Variants in N4BP1 observed in about 807,000 individuals in gnomAD.
The protein encoded by N4BP1 is NEDD4 binding protein 1, also known as NEDD4-binding protein 1.
Under a neutral mutation model 70.9 loss-of-function variants are expected in N4BP1, and 21 were observed. That is an observed-to-expected ratio of 0.30 (90% CI 0.21 to 0.43). N4BP1 has a LOEUF of 0.43. Among genes scored for constraint, N4BP1 ranks in the 20% least tolerant of loss-of-function variants. The probability of loss-of-function intolerance (pLI) is 1.00; values close to 1 mark genes in which losing one functional copy is unlikely to be tolerated. For synonymous variants in N4BP1, 387 were observed against 394.6 expected, an observed-to-expected ratio of 0.98 and a Z score of 0.23; for missense variants, 936 against 1,069.4, an observed-to-expected ratio of 0.88 and a Z score of 1.74.
At chr16:48,562,606 A>G (rs143828416) in intron 1 of N4BP1, among the ~76,000 whole-genome samples, 162 bp from the exon 2 acceptor site, 37 of 152,368 alleles carry the variant, frequency 2.4e-4, no homozygotes, top group African/African-American at 8.9e-4. Flanking sequence ...ATTGAAAATA[A>G]CAGATATAAC....
At chr16:48,553,724 G>GT (rs1597092802) in intron 2 of N4BP1, 55 bp from the exon 3 acceptor site, 5 of 1,376,864 alleles carry the variant, frequency 3.6e-6, no homozygotes, top group Admixed American at 2.8e-5. Flanking sequence ...TTAAAGCACA[G>GT]TAAGTTTCAC....
rs1488608128 is a variant in N4BP1 at position 48,548,119 on chromosome 16, G to GTT, written c.2118-6_2118-5insAA. ...TCCGCTAAGTGTAGTAGAAACCTATGGTAATATAAGAGAGTTTAAAATCAG... is the reference window on the plus strand; with the variant it reads ...TCCGCTAAGTGTAGTAGAAACCTATGTTGTAATATAAGAGAGTTTAAAATCAG... On this transcript the variant is annotated splice_polypyrimidine_tract_variant and splice_region_variant and intron_variant, in intron 4 of 6. Coordinates refer to ENST00000262384, the MANE Select transcript of N4BP1 (RefSeq NM_153029.4). The GTT allele has an allele frequency of 1.2e-5, 19 of 1,556,390 alleles. No homozygotes were observed. Among genetic ancestry groups the GTT allele is most frequent in the Middle Eastern group, 1.7e-4 (1 of 5,988 alleles).
At chr16:48,582,791 C>T (rs867655265) in intron 1 of N4BP1, among the ~76,000 whole-genome samples, 4 of 152,136 alleles carry the variant, frequency 2.6e-5, no homozygotes, top group African/African-American at 9.7e-5. Flanking sequence ...AGGGGGACCA[C>T]TGTACATGAA....
chr16:48,594,148 A>G (rs554263477), intron 1 of N4BP1, among the ~76,000 whole-genome samples: 2 of 152,308 alleles, frequency 1.3e-5, no homozygotes, highest in South Asian at 2.1e-4. Context: ...TTGCCTTTTA[A>G]GTAAACTACA....
At chr16:48,574,652 A>C (rs930145549) in intron 1 of N4BP1, among the ~76,000 whole-genome samples, 2 of 152,234 alleles carry the variant, frequency 1.3e-5, no homozygotes, top group African/African-American at 4.8e-5. Flanking sequence ...CATTTTAATC[A>C]ACTTAAGTCA....
chr16:48,587,790 T>C (rs1322396231), intron 1 of N4BP1, among the ~76,000 whole-genome samples: 2 of 152,338 alleles, frequency 1.3e-5, no homozygotes, highest in Admixed American at 6.5e-5. Flanking sequence ...GTTGAACTCA[T>C]GCTCAGGAAA....
chr16:48,579,384 T>C (rs966312488), intron 1 of N4BP1, among the ~76,000 whole-genome samples: 11 of 152,314 alleles, frequency 7.2e-5, no homozygotes, highest in African/African-American at 2.4e-4. Context: ...GGGAAAAGAA[T>C]GGCCTTTCAA....
rs371122260 is a variant in N4BP1, at chr16:48,545,027, C to T, written c.2333+1120G>A. Among the ~76,000 whole-genome samples the T allele has an allele frequency of 4.5e-3, 682 of 152,082 alleles. 47 individuals are homozygous for T. The South Asian group carries it at 0.11, about 23-fold the overall frequency. ...TAACCCAGGCTGGAGTGTAGTGGCA[C>T]GATCTCGGCTCACTGCAACCTCCGC... On this transcript the variant is annotated intron_variant, in intron 6 of 6. Coordinates refer to ENST00000262384, the MANE Select transcript of N4BP1 (RefSeq NM_153029.4).
Position 48,562,081 on chromosome 16 carries a change from T to A in N4BP1, c.562A>T (p.Thr188Ser). 1 of 1,613,826 alleles carries A rather than the reference T, an allele frequency of 6.2e-7. No homozygotes were observed. The highest frequency in any genetic ancestry group is 8.5e-7 in the Non-Finnish European group (1 of 1,179,868). Residue 188 changes from threonine to serine, a missense_variant, in exon 2 of 7, where the codon ACA becomes TCA. Coordinates refer to ENST00000262384, the MANE Select transcript of N4BP1 (RefSeq NM_153029.4). ...AGATTCTCCTCACCTTGTGTGAGTG[T>A]CAAAAGTTCTTTTTTCAAGGAAGTG... ...LPTSLKKELL[T>S]LTQGEENLFE...
chr16:48,609,289 T>G (rs1436591848), intron 1 of N4BP1, among the ~76,000 whole-genome samples: 1 of 151,456 alleles, frequency 6.6e-6, no homozygotes, highest in Non-Finnish European at 1.5e-5. Context: ...CTATTAATAG[T>G]TTTTTTCCGA....
chr16:48,566,200 T>C (rs1597098656), intron 1 of N4BP1, among the ~76,000 whole-genome samples: 1 of 152,118 alleles, frequency 6.6e-6, no homozygotes, highest in Non-Finnish European at 1.5e-5. Context: ...TATCAAGACT[T>C]TTCTTTTCTT....
intron 1 of N4BP1, among the ~76,000 whole-genome samples, chr16:48,609,128 T>C (rs1235903594): frequency 6.6e-6 from 1 of 151,156 alleles, no homozygotes; most frequent in African/African-American, 2.4e-5. Context: ...GGTGGGAGGA[T>C]CACTTGAGCC....
At chr16:48,591,821 T>C (rs184812175) in intron 1 of N4BP1, among the ~76,000 whole-genome samples, 13 of 150,766 alleles carry the variant, frequency 8.6e-5, no homozygotes, top group Admixed American at 1.3e-4. Context: ...ACCCCAGGAG[T>C]TGAAAGTGGA....
At chr16:48,588,885 A>C (rs1344189425) in intron 1 of N4BP1, among the ~76,000 whole-genome samples, 1 of 152,142 alleles carries the variant, frequency 6.6e-6, no homozygotes, top group Non-Finnish European at 1.5e-5. Context: ...GGCTGTAAAA[A>C]CCAAAACAAA....
In N4BP1 at chr16:48,542,771, T is replaced by C; in HGVS notation, c.*133A>G. ...AAAACCCAGATTTATACCCAAAACA[T>C]TTTTTTTCTGTACAACTGCGTTTAC... On this transcript the variant is annotated 3_prime_UTR_variant, in exon 7 of 7. Coordinates refer to ENST00000262384, the MANE Select transcript of N4BP1 (RefSeq NM_153029.4). The C allele has an allele frequency of 1.3e-6, 1 of 785,208 alleles. No individual in the cohort carries two copies. Among genetic ancestry groups the C allele is most frequent in the Non-Finnish European group, 1.9e-6 (1 of 537,634 alleles). The allele number at this position is 785,208 out of a possible 1,614,324, so 48.6% of individuals were successfully genotyped here. A position where few individuals can be genotyped will look rare whatever the true frequency, so the allele number is the denominator to read the frequency against.
chr16:48,568,586 T>A (rs1950703541), intron 1 of N4BP1, among the ~76,000 whole-genome samples: 1 of 152,228 alleles, frequency 6.6e-6, no homozygotes, highest in South Asian at 2.1e-4. Flanking sequence ...ATGCTTTATT[T>A]CATTTTCATT....
intron 4 of N4BP1, 93 bp downstream of exon 4, chr16:48,551,293 G>T: frequency 2.5e-6 from 2 of 803,298 alleles, no homozygotes; most frequent in Middle Eastern, 2.7e-4. Flanking sequence ...GCATCAAGCA[G>T]GTCCTCTAAA....
intron 1 of N4BP1, among the ~76,000 whole-genome samples, chr16:48,587,650 C>A (rs1198467691): frequency 6.6e-6 from 1 of 152,154 alleles, no homozygotes; most frequent in African/African-American, 2.4e-5. Context: ...AAGAATTTGG[C>A]CCCCTTTTTA....
chr16:48,588,057 A>G (rs921785916), intron 1 of N4BP1, among the ~76,000 whole-genome samples: 1 of 152,094 alleles, frequency 6.6e-6, no homozygotes, highest in Non-Finnish European at 1.5e-5. Context: ...TCACCTGGCT[A>G]TTTAAAATGC....
Sources: allele counts gnomAD v4.1 joint callset (sites outside exome capture counted in the v4.1 genomes callset), GRCh38; gene constraint gnomAD v4.1.1; transcripts MANE v1.5; gene names NCBI Gene and HGNC (gene_info 2026-07-23, HGNC 2026-07-21).